HERC1: variants seen among roughly 807,000 people sequenced by gnomAD.
HERC1 encodes the protein probable E3 ubiquitin-protein ligase HERC1.
HERC1 carries 160 observed loss-of-function variants against 554.3 expected under a neutral mutation model. The observed-to-expected ratio is 0.29, with a 90% CI of 0.25 to 0.33. The LOEUF is 0.33. Among genes scored for constraint, HERC1 ranks in the 10% least tolerant of loss-of-function variants. The pLI is 1.00. For synonymous variants in HERC1, 2,175 were observed against 2,131.7 expected, an observed-to-expected ratio of 1.02 and a Z score of -0.56; for missense variants, 4,919 against 5,918.5, an observed-to-expected ratio of 0.83 and a Z score of 5.54.
intron 1 of HERC1, among the ~76,000 whole-genome samples, chr15:63,793,340 C>T (rs1421418626): frequency 1.3e-5 from 2 of 152,188 alleles, no homozygotes; most frequent in African/African-American, 4.8e-5. Context: ...AAGATGGCCA[C>T]GAAAGTGGCC....
At chr15:63,748,950 A>C (rs954281774) in intron 10 of HERC1, among the ~76,000 whole-genome samples, 11 of 99,950 alleles carry the variant, frequency 1.1e-4, no homozygotes, top group East Asian at 3.9e-4. Flanking sequence ...AAAGTATGAC[A>C]ATTTTTTTTC....
intron 12 of HERC1, among the ~76,000 whole-genome samples, chr15:63,745,635 G>C (rs1185053491): frequency 2.0e-5 from 3 of 152,176 alleles, no homozygotes; most frequent in Non-Finnish European, 2.9e-5. Flanking sequence ...GCAGGGGGAG[G>C]AGTGGCACTG....
At chr15:63,669,792 G>T in intron 39 of HERC1, 94 bp from the exon 40 acceptor site, 1 of 1,122,010 alleles carries the variant, frequency 8.9e-7, no homozygotes, top group South Asian at 1.4e-5. Flanking sequence ...CAACCTGGAA[G>T]ACTAAACAGG....
At position 63,819,272 on chromosome 15, in the gene HERC1, C is replaced by T. The variant is rs367570446; in HGVS notation, c.-27+14555G>A. 2.6e-5 allele frequency among the ~76,000 whole-genome samples: 4 copies of T among 152,218 alleles called. No individual in the cohort carries two copies. In the East Asian group the frequency reaches 5.8e-4, roughly 22 times the overall value. On this transcript the variant is annotated intron_variant, in intron 1 of 77. Coordinates refer to ENST00000443617, the MANE Select transcript of HERC1 (RefSeq NM_003922.4). ...GTTGAGATTATTCAGGGGCTCATTC[C>T]TAAGGCAGCTCCCTCTCTCTTCCAT...
intron 4 of HERC1, among the ~76,000 whole-genome samples, chr15:63,757,278 T>TTTTA (rs1383539210): frequency 6.8e-6 from 1 of 147,814 alleles, no homozygotes; most frequent in African/African-American, 2.5e-5. Context: ...TTTTTTTTTT[T>TTTTA]TTTTGAGACA....
chr15:63,625,424 G>A (rs2068260231), intron 71 of HERC1, among the ~76,000 whole-genome samples: 1 of 152,082 alleles, frequency 6.6e-6, no homozygotes, highest in Admixed American at 6.6e-5. Context: ...TGGGAGCGGT[G>A]GCTCACACCT....
Position 63,718,642 on chromosome 15 carries a change from G to C in HERC1, c.3910C>G (p.Arg1304Gly). 6.3e-7 allele frequency: 1 copy of C among 1,596,148 alleles called. No individual in the cohort carries two copies. The highest frequency in any genetic ancestry group is 8.5e-7 in the Non-Finnish European group (1 of 1,169,652). The change falls in exon 21 of 78, where the codon CGA (arginine) becomes GGA (glycine). Residue 1304 changes from arginine to glycine, a missense_variant. By Grantham distance (125) the Arg-to-Gly change is moderately radical (BLOSUM62 -2). This residue lies in a region of HERC1 where 1,121 missense variants were observed against 1,244.0 expected (regional missense o/e 0.90). Transcript: ENST00000443617. The surrounding 1 kb of genome is among the most constrained non-coding windows in gnomAD (Gnocchi z 4.2). ...SEVYRCVYKV[R>G]SRLLACKNLE... ...TTCTTGCAAGCAAGTAAACGACTTC[G>C]AACTTTGTATACACAACGGTACACT...
intron 41 of HERC1, 78 bp downstream of exon 41, chr15:63,666,278 C>T: frequency 2.2e-6 from 3 of 1,376,966 alleles, no homozygotes; most frequent in Non-Finnish European, 2.0e-6. Context: ...GTTTCATAGC[C>T]TCTTAAAAGT....
chr15:63,729,089 C>G (rs982665995), intron 16 of HERC1, 147 bp downstream of exon 16: 9 of 766,792 alleles, frequency 1.2e-5, no homozygotes, highest in Non-Finnish European at 1.4e-5. Flanking sequence ...AACACTACCC[C>G]CAAACCAAGA....
rs2073399646 is a variant in HERC1, at chr15:63,713,349, C to G, written c.4463+4G>C. On this transcript the variant is annotated splice_donor_region_variant and intron_variant, in intron 23 of 77. Coordinates refer to ENST00000443617, the MANE Select transcript of HERC1 (RefSeq NM_003922.4). ...TCATGTTTTCAGTGTCTAGTCAGTC[C>G]CACCTGGTCATAAGTCCACCCCCTT... 1 of 1,611,658 alleles carries G rather than the reference C, an allele frequency of 6.2e-7. No homozygotes were observed. Among genetic ancestry groups the G allele is most frequent in the African/African-American group, 1.3e-5 (1 of 74,882 alleles).
rs752305949 is a variant in HERC1, at chr15:63,658,648, T to C, written c.9495A>G (p.Ala3165=). 16 of 1,613,940 alleles carry C rather than the reference T, an allele frequency of 9.9e-6. No homozygotes were observed. The highest frequency in any genetic ancestry group is 1.4e-5 in the Non-Finnish European group (16 of 1,179,816). ...ITLGEQAAAL[A]NPHDRVVALR... is the part of the protein sequence containing the mutation. ...AAGCCACCACACGGTCATGAGGGTTTGCTAGGGCAGCTGCCTGCTCTCCTA... is the reference window on the plus strand; with the variant it reads ...AAGCCACCACACGGTCATGAGGGTTCGCTAGGGCAGCTGCCTGCTCTCCTA... Residue 3165 remains alanine (A), a synonymous_variant, in exon 48 of 78, where the codon GCA becomes GCG. Coordinates refer to ENST00000443617, the MANE Select transcript of HERC1 (RefSeq NM_003922.4).
chr15:63,729,844 G>A (rs2074203843), intron 14 of HERC1, among the ~76,000 whole-genome samples, 195 bp from the exon 15 acceptor site: 1 of 151,728 alleles, frequency 6.6e-6, no homozygotes, highest in Non-Finnish European at 1.5e-5. Context: ...CCAACATGGT[G>A]AAACCCTGGT....
chr15:63,788,025 T>C (rs182297620), intron 1 of HERC1, among the ~76,000 whole-genome samples: 14 of 150,018 alleles, frequency 9.3e-5, no homozygotes, highest in African/African-American at 3.2e-4. Context: ...TTTCATCAAA[T>C]TGAACTCAAA....
chr15:63,672,401 C>T, intron 39 of HERC1, 95 bp downstream of exon 39: 1 of 807,276 alleles, frequency 1.2e-6, no homozygotes, highest in Non-Finnish European at 1.9e-6. Flanking sequence ...TCTAGAACAC[C>T]AAGATTCAGT....
At chr15:63,818,389 T>C (rs909220087) in intron 1 of HERC1, among the ~76,000 whole-genome samples, 6 of 151,810 alleles carry the variant, frequency 4.0e-5, no homozygotes, top group East Asian at 3.9e-4. Flanking sequence ...TACTCTGAAA[T>C]AAGGAGCCAA....
Position 63,654,248 on chromosome 15 carries a change from T to C in HERC1, c.10161A>G (p.Ala3387=). The C allele has an allele frequency of 1.9e-6, 3 of 1,614,022 alleles. No individual in the cohort carries two copies. Among genetic ancestry groups the C allele is most frequent in the Non-Finnish European group, 2.5e-6 (3 of 1,179,894 alleles). ...SRLSSQHRQW[A]AQQLVRTLAA... is the part of the protein sequence containing the mutation. The stretch of plus-strand genomic sequence containing the variant: ...CAAGAGTGCGCACGAGTTGCTGAGC[T>C]GCCCATTGCCGATGCTGTGAGGACA... Residue 3387 remains alanine (A), a synonymous_variant, in exon 51 of 78, where the codon GCA becomes GCG. Coordinates refer to ENST00000443617, the MANE Select transcript of HERC1 (RefSeq NM_003922.4).
In HERC1 at chr15:63,643,500, T is replaced by G. The variant is rs976038445; in HGVS notation, c.11235A>C (p.Gly3745=). The part of the protein sequence containing the change: ...SGAKCVYQLR[G]HITPVRTVAF... ...CAACAGTCCGAACAGGAGTGATGTGTCCCCGCAGCTGATAAACACACTTGG... is the reference window on the plus strand; with the variant it reads ...CAACAGTCCGAACAGGAGTGATGTGGCCCCGCAGCTGATAAACACACTTGG... Residue 3745 remains glycine, a synonymous_variant, in exon 58 of 78, where the codon GGA becomes GGC. Coordinates refer to ENST00000443617, the MANE Select transcript of HERC1 (RefSeq NM_003922.4). 13 of 1,610,334 alleles carry G rather than the reference T, an allele frequency of 8.1e-6. No individual in the cohort carries two copies. Among genetic ancestry groups the G allele is most frequent in the Non-Finnish European group, 1.1e-5 (13 of 1,177,950 alleles).
At chr15:63,805,820 G>A (rs998367614) in intron 1 of HERC1, among the ~76,000 whole-genome samples, 3 of 151,792 alleles carry the variant, frequency 2.0e-5, no homozygotes, top group Non-Finnish European at 2.9e-5. Context: ...GTACGCTTCT[G>A]TGGTCCTAGC....
chr15:63,743,978 A>C (rs2074932056), intron 12 of HERC1, among the ~76,000 whole-genome samples: 1 of 124,908 alleles, frequency 8.0e-6, no homozygotes, highest in Non-Finnish European at 1.8e-5. Flanking sequence ...TATGATCTAA[A>C]CTGTATCTAC....
Sources: gnomAD v4.1 joint callset for allele counts (sites outside exome capture counted in the v4.1 genomes callset) on GRCh38, gnomAD v4.1.1 for gene constraint, gnomAD v4.1.1 regional missense constraint, Gnocchi (gnomAD v3.1) non-coding constraint, MANE v1.5 for transcripts, NCBI Gene and HGNC (gene_info 2026-07-23, HGNC 2026-07-21) for gene names.